HRH2: variants seen among roughly 807,000 people sequenced by gnomAD.
HRH2 encodes histamine receptor H2.
Under a neutral mutation model 20.1 loss-of-function variants are expected in HRH2, and 4 were observed. The observed-to-expected ratio is 0.20, with a 90% CI of 0.10 to 0.45. HRH2 has a LOEUF of 0.45. HRH2 is among the 20% of genes least tolerant of loss of function. The pLI, the probability that HRH2 is intolerant of heterozygous loss-of-function variation, is 0.99. For missense variants in HRH2, 250 were observed against 461.6 expected (o/e 0.54, Z 4.20); for synonymous variants, 197 against 200.7 (o/e 0.98, Z 0.16).
At chr5:175,701,546 C>T (rs1756787669) in intron 2 of HRH2, among the ~76,000 whole-genome samples, 1 of 152,180 alleles carries the variant, frequency 6.6e-6, no homozygotes. Flanking sequence ...AAGCTTCTAT[C>T]TTAACATCTT....
chr5:175,690,639 G>A (rs1000571353), intron 2 of HRH2, among the ~76,000 whole-genome samples: 3 of 152,108 alleles, frequency 2.0e-5, no homozygotes, highest in Non-Finnish European at 2.9e-5. Flanking sequence ...GTTTAAAGTG[G>A]ACAGTTGGGT....
intron 1 of HRH2, among the ~76,000 whole-genome samples, chr5:175,679,216 G>C (rs1268038936): frequency 6.6e-6 from 1 of 152,152 alleles, no homozygotes; most frequent in Non-Finnish European, 1.5e-5. Flanking sequence ...ACATTCTCAT[G>C]GTGAATCACC....
At chr5:175,702,709 G>A (rs1036988278) in intron 2 of HRH2, among the ~76,000 whole-genome samples, 3 of 148,360 alleles carry the variant, frequency 2.0e-5, no homozygotes, top group Admixed American at 6.7e-5. Flanking sequence ...CCGCCACCAC[G>A]CCTGGCTAAT....
chr5:175,660,400 G>A (rs1762705401), intron 1 of HRH2, among the ~76,000 whole-genome samples: 3 of 152,210 alleles, frequency 2.0e-5, no homozygotes, highest in Non-Finnish European at 4.4e-5. Context: ...GAACGCCCAT[G>A]TGACCACCAA....
At chr5:175,695,566 G>C (rs2113545270) in intron 2 of HRH2, among the ~76,000 whole-genome samples, 1 of 152,300 alleles carries the variant, frequency 6.6e-6, no homozygotes, top group Admixed American at 6.5e-5. Context: ...GGAATTTCTG[G>C]AAACAGTTAC....
chr5:175,683,091 CAAAAAAAAAA>C lies in HRH2; in HGVS notation c.-131_-122del, dbSNP rs35616765. The C allele has an allele frequency of 8.6e-6, 5 of 583,878 alleles. No homozygotes were observed. Among genetic ancestry groups the C allele is most frequent in the African/African-American group, 3.2e-5 (1 of 31,022 alleles). 36.2% of individuals were successfully genotyped at this position (583,878 alleles called of 1,614,324 possible). ...ATTGAAGCCTTCCCCACCCCCTGGC[CAAAAAAAAAA>C]AAAAAAAAAAACTGGACACATTTTG... On this transcript the variant is annotated 5_prime_UTR_variant, in exon 2 of 3. Coordinates refer to ENST00000636584, the MANE Select transcript of HRH2 (RefSeq NM_001367711.1).
chr5:175,697,389 A>G (rs1249050487), intron 2 of HRH2, among the ~76,000 whole-genome samples: 5 of 150,434 alleles, frequency 3.3e-5, no homozygotes, highest in East Asian at 4.0e-4. Flanking sequence ...CATGAACCCA[A>G]GAGGCGGAGC....
At chr5:175,688,091 A>G (rs1033704808) in intron 2 of HRH2, among the ~76,000 whole-genome samples, 4 of 151,996 alleles carry the variant, frequency 2.6e-5, no homozygotes, top group Non-Finnish European at 4.4e-5. Flanking sequence ...TTCCAAGGTC[A>G]CGTCACCTTC....
chr5:175,696,123 G>A (rs1001077418), intron 2 of HRH2, among the ~76,000 whole-genome samples: 1 of 152,266 alleles, frequency 6.6e-6, no homozygotes, highest in Non-Finnish European at 1.5e-5. Context: ...GACTGACATT[G>A]AGAATCACCT....
In HRH2 at chr5:175,710,390, T is replaced by C. The variant is rs943111211; in HGVS notation, c.*2419T>C. ...TTTGCCCTGGTGATCCCCCCAGAGG[T>C]GCTTAGTCTCTTGGCTGAATTCCTT... On this transcript the variant is annotated 3_prime_UTR_variant, in exon 3 of 3. Coordinates refer to ENST00000636584, the MANE Select transcript of HRH2 (RefSeq NM_001367711.1). 1.3e-5 allele frequency: 2 copies of C among 152,216 alleles called. No individual in the cohort carries two copies. Among genetic ancestry groups the C allele is most frequent in the African/African-American group, 4.8e-5 (2 of 41,440 alleles). 9.4% of individuals were successfully genotyped at this position (152,216 alleles called of 1,614,324 possible). A position where few individuals can be genotyped will look rare whatever the true frequency, so the allele number is the denominator to read the frequency against.
At chr5:175,694,160 C>T (rs988555964) in intron 2 of HRH2, among the ~76,000 whole-genome samples, 1 of 152,154 alleles carries the variant, frequency 6.6e-6, no homozygotes, top group African/African-American at 2.4e-5. Flanking sequence ...CTGGCTGTGC[C>T]CAGGTGTAAG....
At chr5:175,698,737 C>A (rs1454755654) in intron 2 of HRH2, among the ~76,000 whole-genome samples, 3 of 152,168 alleles carry the variant, frequency 2.0e-5, no homozygotes, top group Admixed American at 2.0e-4. Flanking sequence ...CCTAAAGCTC[C>A]CAGACCCACA....
chr5:175,680,229 C>T (rs1755915030), intron 1 of HRH2, among the ~76,000 whole-genome samples: 1 of 152,202 alleles, frequency 6.6e-6, no homozygotes, highest in Non-Finnish European at 1.5e-5. Context: ...GGGCTGGGCT[C>T]CCGAAAGAAT....
At chr5:175,673,029 G>A (rs1297855439) in intron 1 of HRH2, among the ~76,000 whole-genome samples, 1 of 152,102 alleles carries the variant, frequency 6.6e-6, no homozygotes, top group Non-Finnish European at 1.5e-5. Context: ...CAGGTTGCAG[G>A]GGATGCCGAT....
rs573300576 is a variant in HRH2 at position 175,680,231 on chromosome 5, C to T, written c.-525-2478C>T. 3.3e-5 allele frequency among the ~76,000 whole-genome samples: 5 copies of T among 152,306 alleles called. No homozygotes were observed. In the South Asian group the frequency reaches 8.3e-4, roughly 25 times the overall value. ...GGTGCATTGCCACGGGCTGGGCTCC[C>T]GAAAGAATGGCTTCGATCTAAGTGA... On this transcript the variant is annotated intron_variant, in intron 1 of 2. Coordinates refer to ENST00000636584, the MANE Select transcript of HRH2 (RefSeq NM_001367711.1).
chr5:175,678,456 CAG>C (rs1333661949), intron 1 of HRH2, among the ~76,000 whole-genome samples: 1 of 152,166 alleles, frequency 6.6e-6, no homozygotes. Context: ...AACTGAGGCT[CAG>C]AGAGTTGGAA....
At position 175,669,616 on chromosome 5, in the gene HRH2, G is replaced by A. The variant is rs532330680; in HGVS notation, c.-526+11461G>A. Among the ~76,000 whole-genome samples, 7 of 152,218 alleles carry A rather than the reference G, an allele frequency of 4.6e-5. No individual in the cohort carries two copies. The South Asian group carries it at 1.0e-3, about 23-fold the overall frequency. On this transcript the variant is annotated intron_variant, in intron 1 of 2. Transcript: ENST00000636584. ...TGACCTCAAGCGATCCACCCACCTC[G>A]GCCTCCCGAAGTGCTGGGATTACAG...
intron 2 of HRH2, among the ~76,000 whole-genome samples, chr5:175,696,702 T>C (rs1756595616): frequency 6.6e-6 from 1 of 152,208 alleles, no homozygotes; most frequent in Non-Finnish European, 1.5e-5. Context: ...ACAACTTTGC[T>C]TCTTCCGTGG....
chr5:175,663,713 A>T (rs1762803869), intron 1 of HRH2, among the ~76,000 whole-genome samples: 1 of 152,210 alleles, frequency 6.6e-6, no homozygotes, highest in Non-Finnish European at 1.5e-5. Context: ...GATCAGCCCC[A>T]GAGAGGCCCT....
Sources: allele counts gnomAD v4.1 joint callset (sites outside exome capture counted in the v4.1 genomes callset), GRCh38; gene constraint gnomAD v4.1.1; transcripts MANE v1.5; gene names NCBI Gene and HGNC (gene_info 2026-07-23, HGNC 2026-07-21).